LIMCH1: variants seen among roughly 807,000 people sequenced by gnomAD.
LIMCH1 encodes the protein LIM and calponin homology domains-containing protein 1.
A neutral mutation model predicts 176.5 loss-of-function variants in LIMCH1; 113 were observed. That is an observed-to-expected ratio of 0.64 (90% CI 0.55 to 0.75). The LOEUF is 0.75. LIMCH1 is among the 30% of genes least tolerant of loss of function. The pLI is 0.00. For synonymous variants in LIMCH1, 619 were observed against 645.9 expected (o/e 0.96, Z 0.63); for missense variants, 1,674 against 1,814.9 (o/e 0.92, Z 1.41).
intron 1 of LIMCH1, among the ~76,000 whole-genome samples, chr4:41,410,619 C>G (rs1372295061): frequency 6.6e-6 from 1 of 152,148 alleles, no homozygotes; most frequent in Non-Finnish European, 1.5e-5. Flanking sequence ...ACTCTCTGTG[C>G]TCCCTGCAAG....
Position 41,614,283 on chromosome 4 carries a change from T to C in LIMCH1, c.205+622T>C, listed in dbSNP as rs1241412696. 2.0e-5 allele frequency among the ~76,000 whole-genome samples: 3 copies of C among 152,226 alleles called. No individual in the cohort carries two copies. In the East Asian group the frequency reaches 5.8e-4, roughly 29 times the overall value. ...TTAAACCCTATGGGTTTTATATCAC[T>C]TGGAAGAAATGATCATTTTTCGTTA... On this transcript the variant is annotated intron_variant, in intron 5 of 31. Coordinates refer to ENST00000503057, the MANE Select transcript of LIMCH1 (RefSeq NM_001330672.2).
In LIMCH1 at chr4:41,684,402, C is replaced by T. The variant is rs1718893780; in HGVS notation, c.3851C>T (p.Thr1284Ile). Residue 1284 changes from threonine to isoleucine, a missense_variant, in exon 27 of 32, where the codon ACT becomes ATT. Thr to Ile is a moderately conservative substitution (Grantham distance 89). Transcript: ENST00000503057. ...ATACCTCTTTATTTTAACAGCCTAA[C>T]TGAAGGGGCCTTGGCTCATTCTGGG... ...SDRLEEKGSL[T>I]EGALAHSGNP... 6.2e-7 allele frequency: 1 copy of T among 1,613,372 alleles called. No homozygotes were observed.
At chr4:41,558,933 G>A (rs1446964277) in intron 1 of LIMCH1, among the ~76,000 whole-genome samples, 1 of 152,134 alleles carries the variant, frequency 6.6e-6, no homozygotes, top group Non-Finnish European at 1.5e-5. Context: ...CACCATCTGA[G>A]ATTATGATAA....
At chr4:41,419,635 C>CTTCCTCCT (rs1457379676) in intron 1 of LIMCH1, among the ~76,000 whole-genome samples, 1 of 64,320 alleles carries the variant, frequency 1.6e-5, no homozygotes, top group Non-Finnish European at 2.7e-5. Context: ...TCCTTCCTTC[C>CTTCCTCCT]TCCTTCCTTT....
chr4:41,618,074 C>G (rs2092278998), intron 5 of LIMCH1, among the ~76,000 whole-genome samples: 1 of 152,190 alleles, frequency 6.6e-6, no homozygotes, highest in African/African-American at 2.4e-5. Context: ...GACTTAACAC[C>G]AACCTTCTCT....
At chr4:41,493,521 TAG>T (rs1361571234) in intron 1 of LIMCH1, among the ~76,000 whole-genome samples, 4 of 152,176 alleles carry the variant, frequency 2.6e-5, no homozygotes, top group Non-Finnish European at 5.9e-5. Flanking sequence ...ACTGTTTATA[TAG>T]CATTTATATT....
intron 21 of LIMCH1, among the ~76,000 whole-genome samples, chr4:41,667,983 A>T (rs1026795418): frequency 2.7e-4 from 40 of 147,246 alleles, no homozygotes; most frequent in South Asian, 1.3e-3. Flanking sequence ...AAAAAAAAAA[A>T]TTTTAAATAT....
chr4:41,638,102 TTTGTTGTTG>T (rs146967384), intron 13 of LIMCH1, among the ~76,000 whole-genome samples: 54 of 87,116 alleles, frequency 6.2e-4, no homozygotes, highest in South Asian at 9.2e-4. Context: ...GCTGTGTTGT[TTTGTTGTTG>T]TTGTTGTTGT....
rs140785697 is a variant in LIMCH1, at chr4:41,632,039, C to T, written c.1601+562C>T. Among the ~76,000 whole-genome samples, 258 of 152,236 alleles carry T rather than the reference C, an allele frequency of 1.7e-3. 1 individual carries two copies. Among genetic ancestry groups the T allele is most frequent in the African/African-American group, 5.9e-3 (247 of 41,532 alleles). On this transcript the variant is annotated intron_variant, in intron 10 of 31. Transcript: ENST00000503057. ...AAGTCGAGAGTTTCCTTGGATGAAT[C>T]GCTATCCAAATGTGTGAGGGAAGAA... is the stretch of plus-strand genomic sequence containing the variant.
At chr4:41,381,585 G>A (rs183649328) in intron 1 of LIMCH1, among the ~76,000 whole-genome samples, 18 of 152,082 alleles carry the variant, frequency 1.2e-4, no homozygotes. Flanking sequence ...CCTTGGATTC[G>A]GGCAGGCCCT....
intron 1 of LIMCH1, among the ~76,000 whole-genome samples, chr4:41,552,525 G>A (rs1468325316): frequency 6.6e-6 from 1 of 152,052 alleles, no homozygotes; most frequent in Non-Finnish European, 1.5e-5. Flanking sequence ...TTGTTCTCTT[G>A]GAATCAGTGC....
intron 1 of LIMCH1, among the ~76,000 whole-genome samples, chr4:41,486,173 C>T (rs1046632715): frequency 1.3e-5 from 2 of 152,188 alleles, no homozygotes; most frequent in Non-Finnish European, 2.9e-5. Context: ...CCCCTGAATG[C>T]TTCTGAACCT....
chr4:41,369,254 A>T (rs371229809), intron 1 of LIMCH1, among the ~76,000 whole-genome samples: 23 of 152,120 alleles, frequency 1.5e-4, no homozygotes, highest in Admixed American at 5.2e-4. Flanking sequence ...AGGAAGCTGG[A>T]TGGAGGCAAG....
At chr4:41,487,105 C>T (rs750033361) in intron 1 of LIMCH1, among the ~76,000 whole-genome samples, 4 of 152,010 alleles carry the variant, frequency 2.6e-5, no homozygotes, top group Admixed American at 6.5e-5. Flanking sequence ...GTGATCCACC[C>T]GCCTCGGACT....
chr4:41,619,206 A>G lies in LIMCH1; in HGVS notation c.224A>G (p.Glu75Gly). 6.2e-7 allele frequency: 1 copy of G among 1,614,188 alleles called. No homozygotes were observed. The highest frequency in any genetic ancestry group is 8.5e-7 in the Non-Finnish European group (1 of 1,180,034). Reference sequence around the variant, plus strand: ...TCCCTAGGGAGAGGAAGCGACTCTGAATCCGACTTGCCTCATCGGAAGCTG... The same window carrying G: ...TCCCTAGGGAGAGGAAGCGACTCTGGATCCGACTTGCCTCATCGGAAGCTG... ...GSSDGRGSDS[E>G]SDLPHRKLPD... The change falls in exon 6 of 32, where the codon GAA (glutamate) becomes GGA (glycine). Residue 75 changes from glutamate to glycine, a missense_variant. Around this residue, in one of 3 missense-constraint regions of LIMCH1, gnomAD observed 655 missense variants for 692.2 expected, o/e 0.95. Coordinates refer to ENST00000503057, the MANE Select transcript of LIMCH1 (RefSeq NM_001330672.2).
At chr4:41,671,033 C>T in intron 21 of LIMCH1, 2 of 892,738 alleles carry the variant, frequency 2.2e-6, no homozygotes, top group Non-Finnish European at 2.7e-6. Flanking sequence ...TAATATTCAT[C>T]ATTTTCTTGA....
rs188454641 is a variant in LIMCH1 at position 41,683,023 on chromosome 4, G to C, written c.3845+563G>C. 3.3e-4 allele frequency among the ~76,000 whole-genome samples: 50 copies of C among 152,108 alleles called. No homozygotes were observed. In the East Asian group the frequency reaches 9.7e-3, roughly 29 times the overall value. On this transcript the variant is annotated intron_variant, in intron 26 of 31. Coordinates refer to ENST00000503057, the MANE Select transcript of LIMCH1 (RefSeq NM_001330672.2). The stretch of plus-strand genomic sequence containing the variant: ...AGGCAAACTCTTTTTTAAACAAAGG[G>C]GGGCAGTATCAGTCTTCAAAAGCTG...
At chr4:41,569,370 A>G (rs2083209238) in intron 1 of LIMCH1, among the ~76,000 whole-genome samples, 1 of 152,118 alleles carries the variant, frequency 6.6e-6, no homozygotes, top group South Asian at 2.1e-4. Flanking sequence ...TGTAGTATGG[A>G]GTGGAAGAGA....
rs190066917 is a variant in LIMCH1, at chr4:41,553,817, C to T, written c.-241+15467C>T. ...ACTGGAGGCCAGTTTTGGCATCCTC[C>T]ATTCATTTTTGGTTTACCTACTATG... On this transcript the variant is annotated intron_variant, in intron 1 of 31. Transcript: ENST00000503057. 6.6e-5 allele frequency among the ~76,000 whole-genome samples: 10 copies of T among 152,268 alleles called. No homozygotes were observed. The East Asian group carries it at 1.9e-3, about 29-fold the overall frequency.
Sources: gnomAD v4.1 joint callset for allele counts (sites outside exome capture counted in the v4.1 genomes callset) on GRCh38, gnomAD v4.1.1 for gene constraint, gnomAD v4.1.1 regional missense constraint, MANE v1.5 for transcripts, NCBI Gene and HGNC (gene_info 2026-07-23, HGNC 2026-07-21) for gene names.